The following PRKAR2A variants were observed in gnomAD, a reference collection of about 807,000 sequenced individuals.
PRKAR2A encodes the protein cAMP-dependent protein kinase type II-alpha regulatory subunit.
PRKAR2A carries 29 observed loss-of-function variants against 51.9 expected under a neutral mutation model. The ratio of observed to expected loss-of-function variants is 0.56; its 90% CI spans 0.42 to 0.76. The LOEUF (loss-of-function observed/expected upper bound fraction) is 0.76. Ranked by LOEUF, PRKAR2A falls within the 30% of genes least tolerant of loss-of-function variation. The pLI, the probability that PRKAR2A is intolerant of heterozygous loss-of-function variation, is 0.00. For synonymous variants in PRKAR2A, 178 were observed against 186.2 expected, an observed-to-expected ratio of 0.96 and a Z score of 0.36; for missense variants, 445 against 512.1, an observed-to-expected ratio of 0.87 and a Z score of 1.26.
intron 1 of PRKAR2A, among the ~76,000 whole-genome samples, chr3:48,836,419 T>TAAAAAAAAAAAAAAAAA (rs548970318): frequency 1.1e-3 from 59 of 56,086 alleles, no homozygotes; most frequent in African/African-American, 3.7e-3. Flanking sequence ...AGACTCCGTC[T>TAAAAAAAAAAAAAAAAA]AAAAAAAAAA....
At chr3:48,800,874 C>CGT (rs1433841434) in intron 2 of PRKAR2A, among the ~76,000 whole-genome samples, 1 of 151,826 alleles carries the variant, frequency 6.6e-6, no homozygotes, top group Non-Finnish European at 1.5e-5. Context: ...AGGGTTTCAC[C>CGT]GTGTTAGCCA....
At chr3:48,752,361 C>T in intron 9 of PRKAR2A, 44 bp from the exon 10 acceptor site, 1 of 1,595,152 alleles carries the variant, frequency 6.3e-7, no homozygotes. Context: ...TCCAGGATCA[C>T]AGCTGGGCAT....
intron 1 of PRKAR2A, among the ~76,000 whole-genome samples, chr3:48,834,051 G>GA (rs966683033): frequency 9.2e-4 from 133 of 144,810 alleles, no homozygotes; most frequent in South Asian, 1.6e-3. Flanking sequence ...AAAAAAAAAA[G>GA]AAAAAAAAGA....
At chr3:48,755,499 TG>T (rs1559600523) in intron 9 of PRKAR2A, among the ~76,000 whole-genome samples, 2 of 152,138 alleles carry the variant, frequency 1.3e-5, no homozygotes, top group Non-Finnish European at 2.9e-5. Context: ...ATCCATTAAA[TG>T]ACCACAGTTA....
chr3:48,765,289 C>T lies in PRKAR2A; in HGVS notation c.757G>A (p.Glu253Lys). ...KNNAKKRKMF[E>K]SFIESVPLLK... The stretch of plus-strand genomic sequence containing the variant: ...AGGGGCACAGACTCAATAAATGATT[C>T]AAACATCTTCCTCTTCTTTGCATTA... The change falls in exon 7 of 11, where the codon GAA becomes AAA. Residue 253 changes from glutamate (E) to lysine (K), a missense_variant. By Grantham distance (56) the Glu-to-Lys change is moderately conservative. Transcript: ENST00000265563. 1 of 1,612,898 alleles carries T rather than the reference C, an allele frequency of 6.2e-7. No homozygotes were observed. The highest frequency in any genetic ancestry group is 8.5e-7 in the Non-Finnish European group (1 of 1,179,430).
chr3:48,819,812 A>G (rs2082932980), intron 1 of PRKAR2A, among the ~76,000 whole-genome samples: 1 of 152,210 alleles, frequency 6.6e-6, no homozygotes, highest in African/African-American at 2.4e-5. Context: ...GGGAGGCTGA[A>G]GGCCACAACA....
At chr3:48,843,822 T>A (rs1022766698) in intron 1 of PRKAR2A, among the ~76,000 whole-genome samples, 7 of 151,846 alleles carry the variant, frequency 4.6e-5, no homozygotes, top group Non-Finnish European at 1.0e-4. Flanking sequence ...TTACACCTTA[T>A]ACAAAAATTA....
chr3:48,768,464 A>G (rs2107242617), intron 6 of PRKAR2A, among the ~76,000 whole-genome samples: 1 of 151,848 alleles, frequency 6.6e-6, no homozygotes, highest in East Asian at 1.9e-4. Context: ...TTGGGAGGCC[A>G]AAGTGGGTGG....
At chr3:48,779,556 G>C (rs2082159845) in intron 5 of PRKAR2A, among the ~76,000 whole-genome samples, 1 of 151,618 alleles carries the variant, frequency 6.6e-6, no homozygotes, top group South Asian at 2.1e-4. Flanking sequence ...CAAGGCGGGT[G>C]GATTGCTTGA....
intron 1 of PRKAR2A, among the ~76,000 whole-genome samples, chr3:48,814,283 T>C (rs1169806512): frequency 6.7e-6 from 1 of 149,882 alleles, no homozygotes; most frequent in Non-Finnish European, 1.5e-5. Flanking sequence ...CCTGGCGTGG[T>C]GGCTTGCACA....
intron 4 of PRKAR2A, 36 bp downstream of exon 4, chr3:48,790,508 T>C: frequency 7.0e-7 from 1 of 1,420,646 alleles, no homozygotes; most frequent in Non-Finnish European, 9.5e-7. Flanking sequence ...AGCTAAAAGA[T>C]CATTATAATA....
intron 5 of PRKAR2A, among the ~76,000 whole-genome samples, chr3:48,781,958 T>C (rs930317101): frequency 5.9e-5 from 9 of 152,178 alleles, no homozygotes; most frequent in African/African-American, 2.2e-4. Flanking sequence ...TGATTAATTT[T>C]TTGCACTATT....
intron 9 of PRKAR2A, among the ~76,000 whole-genome samples, chr3:48,755,266 G>A (rs747246888): frequency 5.3e-5 from 8 of 151,886 alleles, no homozygotes; most frequent in Non-Finnish European, 1.0e-4. Context: ...AAAGTGCTGG[G>A]ATTACAGGTG....
In PRKAR2A at chr3:48,827,465, G is replaced by C. The variant is rs534139863; in HGVS notation, c.263-19781C>G. ...ATGCCTCGAAAAAACAAAAGCACATGTATCACTTCATTCTGAGAAATTTGT... is the reference window on the plus strand; with the variant it reads ...ATGCCTCGAAAAAACAAAAGCACATCTATCACTTCATTCTGAGAAATTTGT... On this transcript the variant is annotated intron_variant, in intron 1 of 10. Coordinates refer to ENST00000265563, the MANE Select transcript of PRKAR2A (RefSeq NM_004157.4). Among the ~76,000 whole-genome samples, 39 of 152,182 alleles carry C rather than the reference G, an allele frequency of 2.6e-4. 1 individual carries two copies. In the South Asian group the frequency reaches 6.8e-3, roughly 27 times the overall value.
chr3:48,747,832 A>G lies in PRKAR2A; in HGVS notation c.*3753T>C, dbSNP rs1393757176. 6.6e-6 allele frequency: 1 copy of G among 152,148 alleles called. No homozygotes were observed. The highest frequency in any genetic ancestry group is 1.5e-5 in the Non-Finnish European group (1 of 68,036). 9.4% of individuals were successfully genotyped at this position (152,148 alleles called of 1,614,324 possible). On this transcript the variant is annotated 3_prime_UTR_variant, in exon 11 of 11. Transcript: ENST00000265563. Reference sequence around the variant, plus strand: ...TAACAAAGGGATCTCTTTCCAACACATGCTCCTCTCCATGAGGCTCAACCG... The same window carrying G: ...TAACAAAGGGATCTCTTTCCAACACGTGCTCCTCTCCATGAGGCTCAACCG...
intron 1 of PRKAR2A, among the ~76,000 whole-genome samples, chr3:48,816,921 C>T (rs969268536): frequency 6.6e-6 from 1 of 151,944 alleles, no homozygotes; most frequent in African/African-American, 2.4e-5. Flanking sequence ...ATGGCTCATG[C>T]CTGTAACCCC....
intron 6 of PRKAR2A, 105 bp from the exon 7 acceptor site, chr3:48,765,454 T>G: frequency 1.3e-6 from 1 of 770,074 alleles, no homozygotes. Flanking sequence ...TAAGTTACTG[T>G]GTTAATTAAG....
Position 48,847,377 on chromosome 3 carries a change from C to G in PRKAR2A, c.220G>C (p.Ala74Pro), listed in dbSNP as rs772547535. Residue 74 changes from alanine (A) to proline (P), a missense_variant, in exon 1 of 11, where the codon GCC becomes CCC. Transcript: ENST00000265563. This position sits in a 1 kb window ranked among gnomAD's most constrained non-coding sequence, Gnocchi z 4.4. ...TCCTCCGACTCGCTGTCCCCTTTGG[C>G]GTCGGCGACACGGTCCGGGCCGGGT... ...PEPGPDRVAD[A>P]KGDSESEEDE... 1 of 1,613,112 alleles carries G rather than the reference C, an allele frequency of 6.2e-7. No homozygotes were observed.
intron 1 of PRKAR2A, among the ~76,000 whole-genome samples, chr3:48,834,795 A>G (rs893750301): frequency 2.6e-5 from 4 of 151,956 alleles, no homozygotes; most frequent in African/African-American, 9.7e-5. Context: ...ATCACTTATC[A>G]TATAAGGAAC....
Sources: gnomAD v4.1 joint callset for allele counts (sites outside exome capture counted in the v4.1 genomes callset) on GRCh38, gnomAD v4.1.1 for gene constraint, Gnocchi (gnomAD v3.1) non-coding constraint, MANE v1.5 for transcripts, NCBI Gene and HGNC (gene_info 2026-07-23, HGNC 2026-07-21) for gene names.